RCAN2: variants seen among roughly 807,000 people sequenced by gnomAD.
RCAN2 encodes the protein regulator of calcineurin 2, also known as calcipressin-2.
RCAN2 carries 9 observed loss-of-function variants against 23.6 expected under a neutral mutation model. That is an observed-to-expected ratio of 0.38 (90% CI 0.23 to 0.67). RCAN2 has a LOEUF of 0.67. Among genes scored for constraint, RCAN2 ranks in the 30% least tolerant of loss-of-function variants. The pLI, the probability that RCAN2 is intolerant of heterozygous loss-of-function variation, is 0.51. For missense variants in RCAN2, 273 were observed against 302.3 expected, an observed-to-expected ratio of 0.90 and a Z score of 0.72; for synonymous variants, 109 against 115.7, an observed-to-expected ratio of 0.94 and a Z score of 0.37.
chr6:46,364,192 C>T (rs1011544552), intron 2 of RCAN2, among the ~76,000 whole-genome samples: 11 of 152,236 alleles, frequency 7.2e-5, no homozygotes, highest in African/African-American at 2.6e-4. Flanking sequence ...CCATAAATCT[C>T]TTTATGTTGG....
chr6:46,306,018 C>T (rs1004375171), intron 2 of RCAN2, among the ~76,000 whole-genome samples: 2 of 151,816 alleles, frequency 1.3e-5, no homozygotes, highest in African/African-American at 4.8e-5. Context: ...AAGAGAGAAC[C>T]TTTATAGGCA....
chr6:46,333,662 T>C (rs767559799), intron 2 of RCAN2, among the ~76,000 whole-genome samples: 19 of 152,230 alleles, frequency 1.2e-4, no homozygotes, highest in African/African-American at 2.9e-4. Context: ...CTCCACAGTA[T>C]GTGTTTCAGA....
In RCAN2 at chr6:46,233,488, C is replaced by T. The variant is rs1222335885; in HGVS notation, c.572-10187G>A. Reference sequence around the variant, plus strand: ...GAGTGCATTGAGGAAAGGGGGATGGCCTCTGTCATCCTCAAATGAGGAATA... The same window carrying T: ...GAGTGCATTGAGGAAAGGGGGATGGTCTCTGTCATCCTCAAATGAGGAATA... On this transcript the variant is annotated intron_variant, in intron 4 of 4. Transcript: ENST00000371374. Among the ~76,000 whole-genome samples the T allele has an allele frequency of 5.9e-5, 9 of 152,190 alleles. No homozygotes were observed. In the East Asian group the frequency reaches 1.7e-3, roughly 29 times the overall value.
intron 2 of RCAN2, 22 bp from the exon 3 acceptor site, chr6:46,248,918 G>A (rs745608061): frequency 1.3e-6 from 2 of 1,568,960 alleles, no homozygotes; most frequent in Admixed American, 3.6e-5. Context: ...AAACACAGAG[G>A]AAAATCCATT....
rs1768313385 is a variant in RCAN2, at chr6:46,464,439, T to A, written c.-2-7461A>T. On this transcript the variant is annotated intron_variant, in intron 1 of 4. Coordinates refer to ENST00000371374, the MANE Select transcript of RCAN2 (RefSeq NM_001251974.2). ...GCTTTAGAAGTGGGATCTTTTTGAT[T>A]TGCCCTTTGGGTGTTTTAATATCTA... is the stretch of plus-strand genomic sequence containing the variant. Among the ~76,000 whole-genome samples the A allele has an allele frequency of 2.6e-5, 4 of 152,312 alleles. No individual in the cohort carries two copies. In the South Asian group the frequency reaches 8.3e-4, roughly 32 times the overall value.
intron 2 of RCAN2, among the ~76,000 whole-genome samples, chr6:46,384,283 C>T (rs1765685956): frequency 6.6e-6 from 1 of 152,206 alleles, no homozygotes; most frequent in South Asian, 2.1e-4. Context: ...TGTTAAATCC[C>T]TTCTATTGAA....
chr6:46,223,485 G>T (rs1355082362), intron 4 of RCAN2, among the ~76,000 whole-genome samples, 184 bp from the exon 5 acceptor site: 1 of 152,094 alleles, frequency 6.6e-6, no homozygotes, highest in Non-Finnish European at 1.5e-5. Flanking sequence ...TCCTGGCTCT[G>T]CCACTTATCA....
At chr6:46,327,232 C>T (rs1763821416) in intron 2 of RCAN2, among the ~76,000 whole-genome samples, 1 of 152,110 alleles carries the variant, frequency 6.6e-6, no homozygotes, top group Non-Finnish European at 1.5e-5. Flanking sequence ...TCAGTGGGAG[C>T]ACTGGAGAAA....
At chr6:46,411,951 G>A (rs372130987) in intron 2 of RCAN2, among the ~76,000 whole-genome samples, 2 of 152,258 alleles carry the variant, frequency 1.3e-5, no homozygotes, top group East Asian at 3.9e-4. Flanking sequence ...ATAAAGAATT[G>A]ACATAATCAT....
At chr6:46,412,687 A>G (rs962125590) in intron 2 of RCAN2, among the ~76,000 whole-genome samples, 10 of 152,150 alleles carry the variant, frequency 6.6e-5, no homozygotes, top group African/African-American at 2.4e-4. Context: ...AAGGATAAGA[A>G]CATAAAAATA....
intron 2 of RCAN2, among the ~76,000 whole-genome samples, chr6:46,253,011 TG>T (rs1262154634): frequency 6.6e-6 from 1 of 152,250 alleles, no homozygotes; most frequent in Non-Finnish European, 1.5e-5. Flanking sequence ...TTTTTCACTT[TG>T]AATAAATTTT....
At chr6:46,317,184 C>T (rs188400387) in intron 2 of RCAN2, among the ~76,000 whole-genome samples, 7 of 152,200 alleles carry the variant, frequency 4.6e-5, no homozygotes, top group Admixed American at 6.5e-5. Context: ...TTCCAGAAAA[C>T]TTTTCTTTTT....
In RCAN2 at chr6:46,347,033, G is replaced by A. The variant is rs1303424412; in HGVS notation, c.226-98137C>T. ...TGGGACTACAGGCACCCGCCACCAC[G>A]CCTGGCTAATTTTTTGTATTTTTAG... On this transcript the variant is annotated intron_variant, in intron 2 of 4. Transcript: ENST00000371374. 7.2e-5 allele frequency among the ~76,000 whole-genome samples: 11 copies of A among 151,960 alleles called. No homozygotes were observed. In the East Asian group the frequency reaches 1.2e-3, roughly 16 times the overall value.
intron 2 of RCAN2, among the ~76,000 whole-genome samples, chr6:46,276,019 A>G (rs1210675829): frequency 1.6e-4 from 24 of 152,174 alleles, no homozygotes; most frequent in Admixed American, 1.6e-3. Flanking sequence ...CAGCTTGGCC[A>G]ATATGGTGAA....
chr6:46,282,392 A>G (rs965076349), intron 2 of RCAN2, among the ~76,000 whole-genome samples: 1 of 151,888 alleles, frequency 6.6e-6, no homozygotes, highest in African/African-American at 2.4e-5. Flanking sequence ...AAAAAAAAAA[A>G]ACAAAAAATT....
At chr6:46,454,444 G>C (rs959665156) in intron 2 of RCAN2, among the ~76,000 whole-genome samples, 5 of 151,588 alleles carry the variant, frequency 3.3e-5, no homozygotes, top group Non-Finnish European at 7.4e-5. Context: ...ATCTTGTTTT[G>C]TCACCTTAAA....
chr6:46,289,076 A>G (rs188301416), intron 2 of RCAN2, among the ~76,000 whole-genome samples: 4 of 152,294 alleles, frequency 2.6e-5, no homozygotes, highest in African/African-American at 9.6e-5. Context: ...TGTGGGGCTG[A>G]CGGGTGGCTG....
rs528393417 is a variant in RCAN2, at chr6:46,351,497, TC to T, written c.226-102602del. ...TAGCAGGGATTTGAAGGAAGCCATGTCCTTGAAAATCTCTCACATACCAATG... is the reference window on the plus strand; with the variant it reads ...TAGCAGGGATTTGAAGGAAGCCATGTCTTGAAAATCTCTCACATACCAATG... On this transcript the variant is annotated intron_variant, in intron 2 of 4. Coordinates refer to ENST00000371374, the MANE Select transcript of RCAN2 (RefSeq NM_001251974.2). Among the ~76,000 whole-genome samples the T allele has an allele frequency of 2.6e-5, 4 of 152,322 alleles. No individual in the cohort carries two copies. In the South Asian group the frequency reaches 8.3e-4, roughly 32 times the overall value.
intron 1 of RCAN2, among the ~76,000 whole-genome samples, chr6:46,461,292 T>C (rs1471579518): frequency 6.6e-6 from 1 of 152,180 alleles, no homozygotes; most frequent in Admixed American, 6.5e-5. Context: ...CTTCAAAACA[T>C]TAATTTTAAT....
Sources: allele counts gnomAD v4.1 joint callset (sites outside exome capture counted in the v4.1 genomes callset), GRCh38; gene constraint gnomAD v4.1.1; transcripts MANE v1.5; gene names NCBI Gene and HGNC (gene_info 2026-07-23, HGNC 2026-07-21).